CALN1: variants seen among roughly 807,000 people sequenced by gnomAD.
The protein encoded by CALN1 is calcium-binding protein 8.
A neutral mutation model predicts 30.6 loss-of-function variants in CALN1; 17 were observed. That is an observed-to-expected ratio of 0.56 (90% confidence interval 0.38 to 0.83). The LOEUF is 0.83. Among genes scored for constraint, CALN1 ranks in the 40% least tolerant of loss-of-function variants. The probability of loss-of-function intolerance (pLI) is 0.00; values close to 1 mark genes in which losing one functional copy is unlikely to be tolerated. For missense variants in CALN1, 291 were observed against 354.9 expected, an observed-to-expected ratio of 0.82 and a Z score of 1.45; for synonymous variants, 156 against 131.4, an observed-to-expected ratio of 1.19 and a Z score of -1.28.
intron 5 of CALN1, among the ~76,000 whole-genome samples, chr7:71,860,697 G>C (rs1791221162): frequency 6.6e-6 from 1 of 152,122 alleles, no homozygotes; most frequent in African/African-American, 2.4e-5. Flanking sequence ...AGAAACACCA[G>C]GTCAATGTCA....
Position 72,409,345 on chromosome 7 carries a change from T to C in CALN1, c.-74+2713A>G, listed in dbSNP as rs113642410. Among the ~76,000 whole-genome samples the C allele has an allele frequency of 2.5e-3, 385 of 151,432 alleles. 3 individuals are homozygous for C. The highest frequency in any genetic ancestry group is 9.0e-3 in the African/African-American group (371 of 41,406). On this transcript the variant is annotated intron_variant, in intron 1 of 6. Coordinates refer to ENST00000395275, the MANE Select transcript of CALN1 (RefSeq NM_031468.4). ...GCTTGTAACCCATGCACCAGATTGG[T>C]TGCTGAAGGCCACAGAGGCTGAAAT...
chr7:72,261,458 G>A (rs1796269047), intron 3 of CALN1, among the ~76,000 whole-genome samples: 1 of 150,050 alleles, frequency 6.7e-6, no homozygotes, highest in Non-Finnish European at 1.5e-5. Context: ...TCACTCTGTT[G>A]CCAAGGCTGG....
At chr7:72,102,940 G>T (rs1476902402) in intron 4 of CALN1, among the ~76,000 whole-genome samples, 1 of 152,056 alleles carries the variant, frequency 6.6e-6, no homozygotes, top group Non-Finnish European at 1.5e-5. Flanking sequence ...GGGCATGGTG[G>T]TGGGCACCTG....
intron 1 of CALN1, among the ~76,000 whole-genome samples, chr7:72,419,186 C>A (rs964845149): frequency 7.2e-5 from 11 of 152,140 alleles, no homozygotes; most frequent in Non-Finnish European, 1.3e-4. Context: ...CTCAAAGCAT[C>A]ACAGTTCTCA....
rs561250514 is a variant in CALN1, at chr7:72,232,981, T to A, written c.244+45705A>T. ...AAATTAGCATGTTTAGCATGTAACA[T>A]GTTTAGCATGTTTCCATAACATGGA... is the stretch of plus-strand genomic sequence containing the variant. On this transcript the variant is annotated intron_variant, in intron 3 of 6. Coordinates refer to ENST00000395275, the MANE Select transcript of CALN1 (RefSeq NM_031468.4). Among the ~76,000 whole-genome samples the A allele has an allele frequency of 6.5e-4, 99 of 152,102 alleles. 1 individual carries two copies. The highest frequency in any genetic ancestry group is 2.3e-3 in the African/African-American group (96 of 41,472).
intron 5 of CALN1, among the ~76,000 whole-genome samples, chr7:71,993,346 G>C (rs898873855): frequency 6.6e-6 from 1 of 152,056 alleles, no homozygotes; most frequent in African/African-American, 2.4e-5. Context: ...TGTGCCTGTA[G>C]TCCTAGCTAC....
intron 5 of CALN1, among the ~76,000 whole-genome samples, chr7:71,843,301 CAATGCA>C (rs1459724605): frequency 6.6e-6 from 1 of 152,130 alleles, no homozygotes; most frequent in Non-Finnish European, 1.5e-5. Flanking sequence ...CCAACTACAT[CAATGCA>C]CTCATTGCAA....
intron 5 of CALN1, among the ~76,000 whole-genome samples, chr7:71,831,336 C>T (rs541444659): frequency 1.5e-3 from 229 of 152,064 alleles, no homozygotes; most frequent in Admixed American, 2.5e-3. Context: ...AAAAATTAGC[C>T]GGGTGCAGTG....
chr7:72,343,040 T>A (rs1802456718), intron 2 of CALN1, among the ~76,000 whole-genome samples: 1 of 152,156 alleles, frequency 6.6e-6, no homozygotes, highest in South Asian at 2.1e-4. Flanking sequence ...CAAAATTTGG[T>A]ATCTGGAAGG....
intron 5 of CALN1, among the ~76,000 whole-genome samples, chr7:71,817,948 T>TC (rs1474030725): frequency 6.6e-6 from 1 of 152,164 alleles, no homozygotes; most frequent in Non-Finnish European, 1.5e-5. Flanking sequence ...AAACTTGTTC[T>TC]CCATAAATTA....
chr7:72,137,359 G>A (rs936819704), intron 3 of CALN1, among the ~76,000 whole-genome samples: 4 of 152,168 alleles, frequency 2.6e-5, no homozygotes, highest in Non-Finnish European at 5.9e-5. Flanking sequence ...CGATGCTCCT[G>A]CTCTGTCACA....
chr7:72,263,872 C>G (rs1796438231), intron 3 of CALN1, among the ~76,000 whole-genome samples: 1 of 152,164 alleles, frequency 6.6e-6, no homozygotes, highest in African/African-American at 2.4e-5. Context: ...AAGGATGAAA[C>G]AAATTCCCCC....
At chr7:72,451,351 AG>A (rs544671454), upstream of CALN1, among the ~76,000 whole-genome samples, 845 of 141,776 alleles carry the variant, frequency 6.0e-3, 7 homozygotes, top group African/African-American at 0.021. Context: ...AGGGAGAAGA[AG>A]AGAAAAAGTA....
intron 5 of CALN1, among the ~76,000 whole-genome samples, chr7:71,922,128 A>G (rs1794977354): frequency 6.6e-6 from 1 of 152,230 alleles, no homozygotes; most frequent in Non-Finnish European, 1.5e-5. Context: ...TGAGTCAGGT[A>G]TGGTCACAAA....
Position 72,117,651 on chromosome 7 carries a change from C to A in CALN1, c.245-11357G>T, listed in dbSNP as rs190970521. ...GGCCTAGGATTTTATTTTTGGTTTA[C>A]ATTGCTTAAGAATGAGTCACTGTTG... On this transcript the variant is annotated intron_variant, in intron 3 of 6. Coordinates refer to ENST00000395275, the MANE Select transcript of CALN1 (RefSeq NM_031468.4). Among the ~76,000 whole-genome samples the A allele has an allele frequency of 1.1e-4, 16 of 152,120 alleles. No homozygotes were observed. The East Asian group carries it at 2.9e-3, about 28-fold the overall frequency.
intron 5 of CALN1, among the ~76,000 whole-genome samples, chr7:71,856,250 G>A (rs984546129): frequency 2.6e-5 from 4 of 151,636 alleles, no homozygotes; most frequent in Non-Finnish European, 2.9e-5. Context: ...CTCCTGAGCT[G>A]TTCATTCTGC....
At chr7:71,810,029 C>T (rs1787856979) in intron 6 of CALN1, among the ~76,000 whole-genome samples, 1 of 152,120 alleles carries the variant, frequency 6.6e-6, no homozygotes, top group Non-Finnish European at 1.5e-5. Flanking sequence ...CATGCAGCCA[C>T]AACCAAGAGA....
intron 4 of CALN1, among the ~76,000 whole-genome samples, chr7:72,046,390 A>G (rs1388000123): frequency 6.6e-6 from 1 of 151,870 alleles, no homozygotes; most frequent in Non-Finnish European, 1.5e-5. Flanking sequence ...ACAGGCACAC[A>G]CCACCATGCC....
intron 2 of CALN1, among the ~76,000 whole-genome samples, chr7:72,332,275 C>A (rs552370700): frequency 9.9e-5 from 15 of 152,140 alleles, no homozygotes; most frequent in Middle Eastern, 6.8e-3. Context: ...ATATTTACAC[C>A]CACTTTTAGT....
Sources: gnomAD v4.1 joint callset for allele counts (sites outside exome capture counted in the v4.1 genomes callset) on GRCh38, gnomAD v4.1.1 for gene constraint, MANE v1.5 for transcripts, NCBI Gene and HGNC (gene_info 2026-07-23, HGNC 2026-07-21) for gene names.